NLK: variants seen among roughly 807,000 people sequenced by gnomAD.
The protein encoded by NLK is serine/threonine-protein kinase NLK.
In NLK, 11 loss-of-function variants were observed where a neutral mutation model predicts 59.0. The ratio of observed to expected loss-of-function variants is 0.19; its 90% CI spans 0.12 to 0.31. The LOEUF (loss-of-function observed/expected upper bound fraction) is 0.31, where lower values mean the gene tolerates loss of function less well. Among genes scored for constraint, NLK ranks in the 10% least tolerant of loss-of-function variants. The probability of loss-of-function intolerance (pLI) is 1.00; values close to 1 mark genes in which losing one functional copy is unlikely to be tolerated. For missense variants in NLK, 410 were observed against 661.1 expected, an observed-to-expected ratio of 0.62 and a Z score of 4.16; for synonymous variants, 235 against 235.9, an observed-to-expected ratio of 1.00 and a Z score of 0.03.
chr17:28,131,628 T>G (rs994009084), intron 2 of NLK, among the ~76,000 whole-genome samples: 2 of 144,176 alleles, frequency 1.4e-5, no homozygotes, highest in African/African-American at 5.1e-5. Context: ...AAGCTACAGA[T>G]CATAAAATTT....
chr17:28,131,486 A>G (rs1906513199), intron 2 of NLK, among the ~76,000 whole-genome samples: 1 of 151,516 alleles, frequency 6.6e-6, no homozygotes, highest in South Asian at 2.1e-4. Flanking sequence ...GAGATGAAAT[A>G]AGAATGTTCA....
intron 3 of NLK, among the ~76,000 whole-genome samples, chr17:28,140,546 T>C (rs1015003410): frequency 6.6e-6 from 1 of 152,026 alleles, no homozygotes; most frequent in Non-Finnish European, 1.5e-5. Flanking sequence ...TCCCAGATGG[T>C]TTTTCATGAT....
chr17:28,078,070 A>G (rs1910226895), intron 1 of NLK, among the ~76,000 whole-genome samples: 1 of 152,172 alleles, frequency 6.6e-6, no homozygotes, highest in Non-Finnish European at 1.5e-5. Flanking sequence ...AAGCTTATAA[A>G]TGCCTCTACT....
chr17:28,155,545 G>A (rs759268212), intron 3 of NLK, among the ~76,000 whole-genome samples: 4 of 152,160 alleles, frequency 2.6e-5, no homozygotes, highest in Admixed American at 6.5e-5. Flanking sequence ...GTCCATCAGT[G>A]ATAGACTGGA....
chr17:28,059,226 GTTA>G (rs749315785), intron 1 of NLK, among the ~76,000 whole-genome samples: 1 of 151,848 alleles, frequency 6.6e-6, no homozygotes, highest in Non-Finnish European at 1.5e-5. Flanking sequence ...GAGGACACTT[GTTA>G]TTATTTATTA....
At chr17:28,047,083 A>C (rs1909082723) in intron 1 of NLK, among the ~76,000 whole-genome samples, 1 of 152,190 alleles carries the variant, frequency 6.6e-6, no homozygotes, top group Non-Finnish European at 1.5e-5. Context: ...TTCCTCATCT[A>C]TAAAATGGGG....
At chr17:28,043,402 T>A in intron 1 of NLK, 71 bp downstream of exon 1, 1 of 1,296,680 alleles carries the variant, frequency 7.7e-7, no homozygotes, top group Non-Finnish European at 1.1e-6. Flanking sequence ...AGTCCATCTC[T>A]AATGGTTGTC....
chr17:28,075,585 A>AT (rs1357480435), intron 1 of NLK, among the ~76,000 whole-genome samples: 7 of 152,264 alleles, frequency 4.6e-5, no homozygotes, highest in Non-Finnish European at 1.0e-4. Context: ...AGACTTACTT[A>AT]TTTTACAAAA....
intron 1 of NLK, among the ~76,000 whole-genome samples, chr17:28,111,906 T>TGTGTG: frequency 7.4e-6 from 1 of 135,736 alleles, no homozygotes. Context: ...GGTGTGTGTG[T>TGTGTG]GTGTGTGTGT....
intron 1 of NLK, among the ~76,000 whole-genome samples, chr17:28,080,989 A>T (rs144577817): frequency 0.013 from 2,020 of 151,490 alleles, 94 homozygotes; most frequent in Admixed American, 0.096. Context: ...TCCTGGGCTC[A>T]ATCGATCCAC....
chr17:28,137,780 G>C (rs192482966), intron 3 of NLK, among the ~76,000 whole-genome samples: 1 of 152,088 alleles, frequency 6.6e-6, no homozygotes, highest in East Asian at 1.9e-4. Context: ...TCAATATCTA[G>C]ACTGTAAGTT....
At chr17:28,087,674 T>TG (rs770606635) in intron 1 of NLK, among the ~76,000 whole-genome samples, 39 of 152,092 alleles carry the variant, frequency 2.6e-4, no homozygotes, top group Non-Finnish European at 4.4e-4. Context: ...AAACAGGGAT[T>TG]GGGCTTTGAA....
chr17:28,171,436 A>G (rs1349463305), intron 6 of NLK: 1 of 152,236 alleles, frequency 6.6e-6, no homozygotes, highest in Non-Finnish European at 1.5e-5. Flanking sequence ...GAAAATTGGT[A>G]AGATAGTTTG....
At chr17:28,160,981 C>A (rs1907981052) in intron 3 of NLK, among the ~76,000 whole-genome samples, 179 bp from the exon 4 acceptor site, 1 of 152,136 alleles carries the variant, frequency 6.6e-6, no homozygotes, top group African/African-American at 2.4e-5. Context: ...CATGTAAGTT[C>A]TTTTGATTTT....
At chr17:28,132,582 T>C in intron 2 of NLK, 38 bp from the exon 3 acceptor site, 1 of 1,523,194 alleles carries the variant, frequency 6.6e-7, no homozygotes, top group African/African-American at 1.4e-5. Context: ...GTTTCCTTTT[T>C]TGTTCTCTAA....
chr17:28,050,330 G>T (rs994858255), intron 1 of NLK, among the ~76,000 whole-genome samples: 1 of 152,208 alleles, frequency 6.6e-6, no homozygotes, highest in African/African-American at 2.4e-5. Flanking sequence ...TGAATGTGCA[G>T]TGCAGTGGGT....
chr17:28,071,044 G>C (rs1233543111), intron 1 of NLK, among the ~76,000 whole-genome samples: 2 of 152,114 alleles, frequency 1.3e-5, no homozygotes, highest in Non-Finnish European at 2.9e-5. Context: ...CTGTGGGAGG[G>C]TCTCCTATGT....
At chr17:28,165,563 A>T (rs1441688543) in intron 5 of NLK, among the ~76,000 whole-genome samples, 1 of 152,360 alleles carries the variant, frequency 6.6e-6, no homozygotes, top group South Asian at 2.1e-4. Flanking sequence ...TTCATTGAAG[A>T]TCATTATAAC....
intron 1 of NLK, among the ~76,000 whole-genome samples, chr17:28,069,511 A>G (rs1909938829): frequency 6.6e-6 from 1 of 152,232 alleles, no homozygotes; most frequent in South Asian, 2.1e-4. Flanking sequence ...ACCAGCAAAG[A>G]TGAGAGTTCT....
Sources: allele counts gnomAD v4.1 joint callset (sites outside exome capture counted in the v4.1 genomes callset), GRCh38; gene constraint gnomAD v4.1.1; transcripts MANE v1.5; gene names NCBI Gene and HGNC (gene_info 2026-07-23, HGNC 2026-07-21).